NUP98: variants seen among roughly 807,000 people sequenced by gnomAD.
The protein encoded by NUP98 is nucleoporin 98 and 96 precursor, also known as nuclear pore complex protein Nup98-Nup96.
In NUP98, 26 loss-of-function variants were observed where a neutral mutation model predicts 191.9. The ratio of observed to expected loss-of-function variants is 0.14; its 90% CI spans 0.10 to 0.19. The LOEUF is 0.19. NUP98 is among the 10% of genes least tolerant of loss of function. The pLI, the probability that NUP98 is intolerant of heterozygous loss-of-function variation, is 1.00. For synonymous variants in NUP98, 808 were observed against 778.4 expected (o/e 1.04, Z -0.63); for missense variants, 1,941 against 2,178.8 (o/e 0.89, Z 2.17).
chr11:3,697,033 T>C (rs148979569), intron 25 of NUP98: 2 of 152,198 alleles, frequency 1.3e-5, no homozygotes, highest in African/African-American at 4.8e-5. Flanking sequence ...GAGCATAACC[T>C]TTTTTTAATG....
In NUP98 at chr11:3,768,751, GGAAAAAGAAAA is replaced by G. The variant is rs1194739635; in HGVS notation, c.785-18_785-8del. On this transcript the variant is annotated splice_region_variant and splice_polypyrimidine_tract_variant and intron_variant, in intron 7 of 32. Transcript: ENST00000324932. Reference sequence around the variant, plus strand: ...GTTCCAAATCCAGTTGTACCTTTTAGGAAAAAGAAAAAAAAAAGAAAAAAGAAATAATAAAA... The same window carrying G: ...GTTCCAAATCCAGTTGTACCTTTTAGAAAAAAGAAAAAAGAAATAATAAAA... 4.1e-6 allele frequency: 6 copies of G among 1,469,728 alleles called. No homozygotes were observed. The highest frequency in any genetic ancestry group is 3.8e-4 in the Middle Eastern group (2 of 5,284). 91.0% of individuals were successfully genotyped at this position (1,469,728 alleles called of 1,614,324 possible). A position where few individuals can be genotyped will look rare whatever the true frequency, so the allele number is the denominator to read the frequency against.
intron 28 of NUP98, among the ~76,000 whole-genome samples, chr11:3,686,822 A>G (rs2078146582): frequency 1.3e-5 from 2 of 152,132 alleles, no homozygotes; most frequent in South Asian, 2.1e-4. Flanking sequence ...TCTTGCCTCT[A>G]CTAAAAATAC....
chr11:3,775,551 A>C (rs113372758), intron 5 of NUP98, among the ~76,000 whole-genome samples: 73 of 147,572 alleles, frequency 4.9e-4, no homozygotes, highest in African/African-American at 1.9e-3. Context: ...AAACAAAATA[A>C]CAAAAAAAAA....
At chr11:3,796,229 GA>G (rs975699685) in intron 1 of NUP98, among the ~76,000 whole-genome samples, 2 of 152,066 alleles carry the variant, frequency 1.3e-5, no homozygotes, top group Admixed American at 6.6e-5. Flanking sequence ...ACTTCACTTT[GA>G]ATTCTGTACC....
intron 8 of NUP98, among the ~76,000 whole-genome samples, chr11:3,763,520 A>T (rs1433805652): frequency 6.6e-6 from 1 of 152,238 alleles, no homozygotes; most frequent in African/African-American, 2.4e-5. Flanking sequence ...AGCGAAAATA[A>T]ATCAACACGG....
chr11:3,736,275 G>A (rs1478645749), intron 12 of NUP98, among the ~76,000 whole-genome samples: 9 of 151,992 alleles, frequency 5.9e-5, no homozygotes, highest in African/African-American at 1.5e-4. Context: ...AATTTAACTC[G>A]AACTAGAAAG....
intron 22 of NUP98, among the ~76,000 whole-genome samples, chr11:3,704,669 A>G (rs1677356253): frequency 6.6e-6 from 1 of 152,182 alleles, no homozygotes; most frequent in Non-Finnish European, 1.5e-5. Flanking sequence ...TTCTCCATAC[A>G]CTTCTGCATC....
At chr11:3,710,440 A>T (rs1246229116) in intron 20 of NUP98, among the ~76,000 whole-genome samples, 4 of 152,206 alleles carry the variant, frequency 2.6e-5, no homozygotes, top group African/African-American at 9.6e-5. Flanking sequence ...AACCAACTGG[A>T]AACAGGGGAC....
chr11:3,676,413 G>T, intron 32 of NUP98, 37 bp from the exon 33 acceptor site: 1 of 1,610,390 alleles, frequency 6.2e-7, no homozygotes. Flanking sequence ...CTGAGCATGG[G>T]GTCTGGAGAA....
chr11:3,691,784 C>T (rs2078318671), intron 27 of NUP98, among the ~76,000 whole-genome samples: 3 of 152,168 alleles, frequency 2.0e-5, no homozygotes, highest in Admixed American at 2.0e-4. Context: ...GAACTCCTGA[C>T]ATCAGGTGAT....
chr11:3,767,437 T>C (rs2081376594), intron 8 of NUP98, among the ~76,000 whole-genome samples: 1 of 151,906 alleles, frequency 6.6e-6, no homozygotes, highest in South Asian at 2.1e-4. Flanking sequence ...TTCAAGGCTA[T>C]TCTTGTGCCT....
rs1352548975 is a variant in NUP98, at chr11:3,723,371, G to T, written c.1932C>A (p.Asn644Lys). Reference protein sequence around the residue: ...EDSLVSHFYTNPIAKPIPQTP... With the variant: ...EDSLVSHFYTKPIAKPIPQTP... ...TTTGAGGAATAGGTTTGGCAATAGG[G>T]TTAGTATAAAAATGTGAAACAAGGG... The change falls in exon 16 of 33, where the codon AAC becomes AAA. Residue 644 changes from asparagine (N) to lysine (K), a missense_variant. By Grantham distance (94) the Asn-to-Lys change is moderately conservative (BLOSUM62 0). Around this residue, in one of 6 missense-constraint regions of NUP98, gnomAD observed 453 missense variants for 438.2 expected, o/e 1.03. Transcript: ENST00000324932. 1 of 1,613,968 alleles carries T rather than the reference G, an allele frequency of 6.2e-7. No homozygotes were observed.
intron 30 of NUP98, among the ~76,000 whole-genome samples, chr11:3,681,362 G>A (rs1357190699): frequency 6.6e-6 from 1 of 152,132 alleles, no homozygotes. Context: ...CTACAATGGT[G>A]AATCCTTTCC....
chr11:3,703,433 G>T (rs2078770472), intron 22 of NUP98, among the ~76,000 whole-genome samples: 3 of 151,996 alleles, frequency 2.0e-5, no homozygotes, highest in African/African-American at 4.8e-5. Flanking sequence ...GGCCAGGCTG[G>T]TCTTGAACTC....
intron 11 of NUP98, among the ~76,000 whole-genome samples, chr11:3,749,079 CGGG>C (rs2080629771): frequency 6.6e-6 from 1 of 151,244 alleles, no homozygotes. Context: ...GAGGCCGAGG[CGGG>C]TGGATCATGA....
chr11:3,714,547 G>A (rs537931930), intron 18 of NUP98, among the ~76,000 whole-genome samples: 82 of 152,062 alleles, frequency 5.4e-4, no homozygotes, highest in Admixed American at 8.5e-4. Context: ...GGATGTAATA[G>A]GTAGATGCTG....
chr11:3,705,116 C>T, intron 22 of NUP98, 84 bp downstream of exon 22: 2 of 1,322,266 alleles, frequency 1.5e-6, no homozygotes, highest in South Asian at 2.5e-5. Context: ...TAGAGAAGTC[C>T]ACTTGGGTTA....
intron 11 of NUP98, among the ~76,000 whole-genome samples, chr11:3,746,269 C>CAAAA (rs66773761): frequency 1.5e-3 from 49 of 33,614 alleles, no homozygotes; most frequent in Middle Eastern, 0.036. Flanking sequence ...AACTTTATCT[C>CAAAA]AAAAAAAAAA....
At chr11:3,731,715 T>A in intron 13 of NUP98, 137 bp from the exon 14 acceptor site, 1 of 527,750 alleles carries the variant, frequency 1.9e-6, no homozygotes, top group Non-Finnish European at 3.2e-6. Flanking sequence ...TCTGTTCCCA[T>A]AAAACAAGGA....
Sources: allele counts gnomAD v4.1 joint callset (sites outside exome capture counted in the v4.1 genomes callset), GRCh38; gene constraint gnomAD v4.1.1; regional missense constraint gnomAD v4.1.1; transcripts MANE v1.5; gene names NCBI Gene and HGNC (gene_info 2026-07-23, HGNC 2026-07-21).